The following IL34 variants were observed in gnomAD, a reference collection of about 807,000 sequenced individuals.
IL34 encodes interleukin 34.
A neutral mutation model predicts 25.3 loss-of-function variants in IL34; 17 were observed. That is an observed-to-expected ratio of 0.67 (90% CI 0.46 to 1.01). The LOEUF is 1.01. Ranked by LOEUF, IL34 falls within the 50% of genes least tolerant of loss-of-function variation. The probability of loss-of-function intolerance (pLI) is 0.00; values close to 1 mark genes in which losing one functional copy is unlikely to be tolerated. For missense variants in IL34, 368 were observed against 312.9 expected (o/e 1.18, Z -1.33); for synonymous variants, 174 against 140.9 (o/e 1.23, Z -1.66).
intron 1 of IL34, among the ~76,000 whole-genome samples, chr16:70,582,210 G>C (rs148858560): frequency 2.0e-5 from 3 of 152,378 alleles, no homozygotes; most frequent in African/African-American, 7.2e-5. Flanking sequence ...AAGGATGGCA[G>C]GTGGAGCATC....
chr16:70,659,794 C>G, intron 5 of IL34, 41 bp downstream of exon 5: 1 of 1,573,676 alleles, frequency 6.4e-7, no homozygotes, highest in Non-Finnish European at 8.7e-7. Flanking sequence ...GGTGGGAGGC[C>G]AGGCATCTGG....
chr16:70,653,016 C>T (rs2052119029), intron 1 of IL34, among the ~76,000 whole-genome samples: 2 of 152,054 alleles, frequency 1.3e-5, no homozygotes, highest in South Asian at 4.1e-4. Flanking sequence ...AACAGCCTGG[C>T]CAACATGGTG....
intron 1 of IL34, among the ~76,000 whole-genome samples, chr16:70,593,029 A>C (rs576417176): frequency 2.6e-5 from 4 of 152,012 alleles, no homozygotes; most frequent in Non-Finnish European, 1.5e-5. Flanking sequence ...GTTTCACCAT[A>C]TTGGCCAGGC....
chr16:70,652,134 AAAAT>A (rs1382295731), intron 1 of IL34, among the ~76,000 whole-genome samples: 3 of 151,676 alleles, frequency 2.0e-5, no homozygotes, highest in African/African-American at 4.9e-5. Context: ...TCTCAAAAAA[AAAAT>A]AAATAAAAAT....
At chr16:70,621,200 TC>T (rs1008021694) in intron 1 of IL34, among the ~76,000 whole-genome samples, 39 of 152,058 alleles carry the variant, frequency 2.6e-4, no homozygotes, top group Non-Finnish European at 2.9e-5. Context: ...AAGGCAGGCG[TC>T]CCTGCATGGT....
At chr16:70,593,424 T>G (rs896089802) in intron 1 of IL34, among the ~76,000 whole-genome samples, 1 of 152,214 alleles carries the variant, frequency 6.6e-6, no homozygotes, top group Admixed American at 6.5e-5. Flanking sequence ...ATTTTATGTT[T>G]AGGTTCAAGT....
intron 1 of IL34, among the ~76,000 whole-genome samples, chr16:70,584,706 T>G: frequency 6.9e-6 from 1 of 144,250 alleles, no homozygotes; most frequent in South Asian, 2.1e-4. Flanking sequence ...TCTCTCTCTC[T>G]CTTTTTTTTT....
chr16:70,609,699 A>G (rs1012834623), intron 1 of IL34, among the ~76,000 whole-genome samples: 4 of 152,130 alleles, frequency 2.6e-5, no homozygotes, highest in African/African-American at 9.7e-5. Flanking sequence ...TCTGAGGGGT[A>G]GGGATTTATC....
At position 70,636,792 on chromosome 16, in the gene IL34, AAAAAC is replaced by A. The variant is rs1157841624; in HGVS notation, c.-400-9744_-400-9740del. 3.2e-3 allele frequency among the ~76,000 whole-genome samples: 476 copies of A among 150,698 alleles called. 10 individuals are homozygous for A. Among genetic ancestry groups the A allele is most frequent in the Admixed American group, 0.028 (430 of 15,204 alleles). ...CAAACAAACAAAACAAAACAAAACAAAAAACAAAACAAAACAGAATGAAGAAGAAT... is the reference window on the plus strand; with the variant it reads ...CAAACAAACAAAACAAAACAAAACAAAAAACAAAACAGAATGAAGAAGAAT... On this transcript the variant is annotated intron_variant, in intron 1 of 6. Coordinates refer to the IL34 transcript ENST00000429149.
intron 1 of IL34, among the ~76,000 whole-genome samples, chr16:70,592,419 C>T (rs866460821): frequency 3.8e-4 from 58 of 152,094 alleles, no homozygotes; most frequent in African/African-American, 1.2e-3. Context: ...TAACTTTTGA[C>T]TCTCATGCTG....
chr16:70,630,947 A>G (rs1050372876), intron 1 of IL34, among the ~76,000 whole-genome samples: 4 of 152,142 alleles, frequency 2.6e-5, no homozygotes, highest in Non-Finnish European at 5.9e-5. Flanking sequence ...TAGTGCTGCA[A>G]TAAACATGGG....
At chr16:70,596,914 G>C (rs2050831668) in intron 1 of IL34, among the ~76,000 whole-genome samples, 1 of 151,982 alleles carries the variant, frequency 6.6e-6, no homozygotes, top group Admixed American at 6.6e-5. Flanking sequence ...AGGAGGATGG[G>C]ACTCTGAAGC....
chr16:70,624,255 G>T (rs12598224), intron 1 of IL34, among the ~76,000 whole-genome samples: 86,715 of 150,838 alleles, frequency 0.57, 28,252 homozygotes, highest in African/African-American at 0.9. Context: ...CAAGCTCCTG[G>T]GGAAGGAGGT....
chr16:70,617,024 G>T (rs1478278679), intron 1 of IL34, among the ~76,000 whole-genome samples: 2 of 152,100 alleles, frequency 1.3e-5, no homozygotes, highest in Non-Finnish European at 1.5e-5. Flanking sequence ...GTTTCTCAGG[G>T]TTGCTTCAAG....
intron 1 of IL34, among the ~76,000 whole-genome samples, chr16:70,611,465 C>G (rs2051090439): frequency 6.6e-6 from 1 of 152,080 alleles, no homozygotes; most frequent in Non-Finnish European, 1.5e-5. Context: ...CTCTTTGCCT[C>G]AAATAGAACA....
At chr16:70,639,049 G>C (rs7193968) in intron 1 of IL34, among the ~76,000 whole-genome samples, 86,320 of 152,084 alleles carry the variant, frequency 0.57, 27,792 homozygotes, top group African/African-American at 0.89. Flanking sequence ...GTGATTCTGT[G>C]GCTTGTAAAG....
chr16:70,597,784 C>T (rs2050845460), intron 1 of IL34, among the ~76,000 whole-genome samples: 2 of 152,166 alleles, frequency 1.3e-5, no homozygotes, highest in South Asian at 4.1e-4. Context: ...CTTTATATAG[C>T]TGTCCCTCTC....
upstream of IL34, among the ~76,000 whole-genome samples, chr16:70,643,372 CTTTA>C (rs898607859): frequency 8.6e-5 from 13 of 151,528 alleles, no homozygotes; most frequent in African/African-American, 1.5e-4. Context: ...CTGTTGCACA[CTTTA>C]TTTATTTATT....
At chr16:70,658,747 A>C (rs1183548848) in intron 4 of IL34, among the ~76,000 whole-genome samples, 1 of 152,142 alleles carries the variant, frequency 6.6e-6, no homozygotes, top group Non-Finnish European at 1.5e-5. Context: ...CTGGGATTAC[A>C]GGTTGAACCA....
Sources: gnomAD v4.1 joint callset for allele counts (sites outside exome capture counted in the v4.1 genomes callset) on GRCh38, gnomAD v4.1.1 for gene constraint, MANE v1.5 for transcripts, NCBI Gene and HGNC (gene_info 2026-07-23, HGNC 2026-07-21) for gene names.